AFG2A: variants seen among roughly 807,000 people sequenced by gnomAD.
The protein encoded by AFG2A is AAA ATPase AFG2A.
At chr4:123,248,064 C>G in the AFG2A span, among the ~76,000 whole-genome samples, 7 of 151,466 alleles carry the variant, frequency 4.6e-5, no homozygotes, top group African/African-American at 1.7e-4. Context: ...CCTCACAGTG[C>G]TTTGCACACA....
chr4:123,193,139 G>C, the AFG2A span, among the ~76,000 whole-genome samples: 10 of 152,142 alleles, frequency 6.6e-5, no homozygotes, highest in Admixed American at 3.9e-4. Context: ...GATTTGTCAG[G>C]AGAATTATAA....
chr4:122,975,124 G>T, the AFG2A span, among the ~76,000 whole-genome samples: 1 of 152,064 alleles, frequency 6.6e-6, no homozygotes, highest in Non-Finnish European at 1.5e-5. Context: ...AATTTACAAA[G>T]AACAGAAATT....
chr4:123,145,168 CT>C, the AFG2A span, among the ~76,000 whole-genome samples: 2 of 151,858 alleles, frequency 1.3e-5, no homozygotes, highest in Non-Finnish European at 2.9e-5. Flanking sequence ...AATTATTTTT[CT>C]TACCATTTCT....
the AFG2A span, chr4:122,947,550 C>T: frequency 7.4e-7 from 1 of 1,345,738 alleles, no homozygotes; most frequent in African/African-American, 1.5e-5. Flanking sequence ...TACTTACATA[C>T]AAATAATTTA....
At chr4:122,942,237 A>G in the AFG2A span, among the ~76,000 whole-genome samples, 6 of 147,126 alleles carry the variant, frequency 4.1e-5, no homozygotes, top group Admixed American at 2.7e-4. Flanking sequence ...CCTCTGGTAG[A>G]ATTCGGCTGT....
chr4:122,934,256 C>T, the AFG2A span: 22 of 1,614,002 alleles, frequency 1.4e-5, no homozygotes, highest in Non-Finnish European at 1.8e-5. Flanking sequence ...TTTGAACAGT[C>T]CAGCATGGAA....
the AFG2A span, among the ~76,000 whole-genome samples, chr4:123,118,396 T>C: frequency 4.8e-5 from 7 of 146,852 alleles, no homozygotes; most frequent in East Asian, 1.2e-3. Context: ...CTCCCAGTTA[T>C]ATACAATGCA....
the AFG2A span, among the ~76,000 whole-genome samples, chr4:122,932,439 C>T: frequency 1.3e-5 from 2 of 152,164 alleles, no homozygotes; most frequent in East Asian, 3.9e-4. Flanking sequence ...GCGGTCCACC[C>T]ACCTCAGCCT....
the AFG2A span, among the ~76,000 whole-genome samples, chr4:122,963,162 T>A: frequency 6.6e-6 from 1 of 152,186 alleles, no homozygotes; most frequent in Non-Finnish European, 1.5e-5. Flanking sequence ...GGCTCTCTCC[T>A]CATGAAACTA....
the AFG2A span, chr4:122,938,263 T>G: frequency 1.3e-6 from 2 of 1,553,614 alleles, no homozygotes; most frequent in Non-Finnish European, 1.7e-6. Context: ...AGTATAGCAC[T>G]AGTATTGATT....
the AFG2A span, among the ~76,000 whole-genome samples, chr4:123,045,138 CT>C: frequency 6.6e-6 from 1 of 151,464 alleles, no homozygotes; most frequent in South Asian, 2.1e-4. Context: ...TTGTATTGAA[CT>C]TTTTTTCTCC....
At chr4:123,012,344 G>C in the AFG2A span, among the ~76,000 whole-genome samples, 1 of 147,468 alleles carries the variant, frequency 6.8e-6, no homozygotes, top group Admixed American at 6.8e-5. Context: ...TGCCCCCCAG[G>C]AAAGTGGAGA....
At chr4:122,969,753 C>T in the AFG2A span, among the ~76,000 whole-genome samples, 1 of 152,100 alleles carries the variant, frequency 6.6e-6, no homozygotes, top group Admixed American at 6.5e-5. Context: ...CTTAATTTCC[C>T]TCCAGGTAGT....
At chr4:123,140,821 A>G in the AFG2A span, among the ~76,000 whole-genome samples, 1 of 152,170 alleles carries the variant, frequency 6.6e-6, no homozygotes, top group African/African-American at 2.4e-5. Context: ...TTGTAGGATG[A>G]GAAAGATTTT....
At chr4:122,939,784 C>T in the AFG2A span, among the ~76,000 whole-genome samples, 287 of 152,258 alleles carry the variant, frequency 1.9e-3, 4 homozygotes, top group Middle Eastern at 0.024. Flanking sequence ...CTCGCCCCTC[C>T]CCCAACTCCA....
the AFG2A span, among the ~76,000 whole-genome samples, chr4:123,151,810 T>C: frequency 6.6e-6 from 1 of 152,000 alleles, no homozygotes; most frequent in Non-Finnish European, 1.5e-5. Context: ...AATCATTCTA[T>C]AAAGACACAT....
chr4:123,245,303 T>C, the AFG2A span, among the ~76,000 whole-genome samples: 5 of 152,190 alleles, frequency 3.3e-5, no homozygotes, highest in Admixed American at 2.6e-4. Context: ...TTATATATTT[T>C]TAAATATCTT....
chr4:123,307,233 C>G, the AFG2A span, among the ~76,000 whole-genome samples: 1 of 152,140 alleles, frequency 6.6e-6, no homozygotes, highest in East Asian at 1.9e-4. Context: ...CCTTGAACTC[C>G]TGGGTTCAGA....
chr4:123,074,301 G>A, the AFG2A span, among the ~76,000 whole-genome samples: 1 of 151,748 alleles, frequency 6.6e-6, no homozygotes, highest in Admixed American at 6.6e-5. Context: ...TCAGCTGTTG[G>A]CCAGGCTGGT....
Sources: gnomAD v4.1 joint callset for allele counts (sites outside exome capture counted in the v4.1 genomes callset) on GRCh38, gnomAD v4.1.1 for gene constraint, MANE v1.5 for transcripts, NCBI Gene and HGNC (gene_info 2026-07-23, HGNC 2026-07-21) for gene names.